The following ARHGEF10 variants were observed in gnomAD, a reference collection of about 807,000 sequenced individuals.
The protein encoded by ARHGEF10 is Rho guanine nucleotide exchange factor 10, also known as Rho guanine nucleotide exchange factor (GEF) 10.
Under a neutral mutation model 147.4 loss-of-function variants are expected in ARHGEF10, and 140 were observed. The observed-to-expected ratio is 0.95, with a 90% confidence interval of 0.83 to 1.09. The LOEUF is 1.09. Ranked by LOEUF, ARHGEF10 falls within the 50% of genes least tolerant of loss-of-function variation. ARHGEF10 has a pLI of 0.00. For synonymous variants in ARHGEF10, 902 were observed against 695.8 expected (o/e 1.30, Z -4.67); for missense variants, 2,222 against 1,752.7 (o/e 1.27, Z -4.78).
chr8:1,920,222 A>G (rs947785817), intron 18 of ARHGEF10, among the ~76,000 whole-genome samples: 1 of 152,246 alleles, frequency 6.6e-6, no homozygotes, highest in African/African-American at 2.4e-5. Flanking sequence ...CACACCAAAA[A>G]TAGAAGGGTC....
chr8:1,850,715 A>C (rs1006683493), intron 2 of ARHGEF10, among the ~76,000 whole-genome samples: 1 of 152,188 alleles, frequency 6.6e-6, no homozygotes, highest in Non-Finnish European at 1.5e-5. Context: ...AAATGAGTTG[A>C]AAACTTAATG....
chr8:1,885,579 G>A lies in ARHGEF10; in HGVS notation c.1076-22G>A, dbSNP rs1265260333. 3 of 1,505,376 alleles carry A rather than the reference G, an allele frequency of 2.0e-6. No homozygotes were observed. In the South Asian group the frequency reaches 3.4e-5, roughly 17 times the overall value. 93.3% of individuals were successfully genotyped at this position (1,505,376 alleles called of 1,614,324 possible). On this transcript the variant is annotated intron_variant, in intron 10 of 28. Transcript: ENST00000349830. Reference sequence around the variant, plus strand: ...TATATTATTTGAATGTAAAATTCATGCATTTTGACTTTTTTTTTAAGATCA... The same window carrying A: ...TATATTATTTGAATGTAAAATTCATACATTTTGACTTTTTTTTTAAGATCA...
chr8:1,911,073 G>T (rs186278435), intron 18 of ARHGEF10, among the ~76,000 whole-genome samples: 80 of 152,312 alleles, frequency 5.3e-4, no homozygotes, highest in African/African-American at 1.8e-3. Context: ...TTGCACCCTG[G>T]ATTTAACTAT....
At chr8:1,881,357 G>A (rs1278987984) in intron 9 of ARHGEF10, among the ~76,000 whole-genome samples, 2 of 152,174 alleles carry the variant, frequency 1.3e-5, no homozygotes, top group African/African-American at 2.4e-5. Flanking sequence ...GACCCTGAAC[G>A]GCGCTGGCTG....
At chr8:1,905,437 G>A in intron 16 of ARHGEF10, 134 bp from the exon 17 acceptor site, 8 of 1,119,090 alleles carry the variant, frequency 7.1e-6, no homozygotes, top group South Asian at 1.2e-5. Context: ...CAGTCACGGG[G>A]AACATAGGAA....
intron 1 of ARHGEF10, among the ~76,000 whole-genome samples, chr8:1,827,582 A>G (rs1007447336): frequency 1.3e-5 from 2 of 152,368 alleles, no homozygotes; most frequent in Non-Finnish European, 2.9e-5. Flanking sequence ...CTGGGATTAC[A>G]GGCGTGAGCC....
chr8:1,824,158 G>A (rs1376867069), intron 1 of ARHGEF10, 45 bp downstream of exon 1: 1 of 152,164 alleles, frequency 6.6e-6, no homozygotes, highest in African/African-American at 2.4e-5. Context: ...GCGGGCTTCT[G>A]GTTTCCTTTG....
At chr8:1,918,942 A>G (rs1187910824) in intron 18 of ARHGEF10, among the ~76,000 whole-genome samples, 16 of 148,194 alleles carry the variant, frequency 1.1e-4, no homozygotes, top group African/African-American at 3.8e-4. Flanking sequence ...TTGTTCTGTC[A>G]GTGATGGAGC....
intron 4 of ARHGEF10, among the ~76,000 whole-genome samples, chr8:1,863,821 T>G (rs2294029): frequency 1.3e-5 from 2 of 151,610 alleles, no homozygotes; most frequent in Admixed American, 1.3e-4. Context: ...GGAGGAATCG[T>G]CAGGCGGGTC....
chr8:1,909,243 A>G (rs1811161571), intron 17 of ARHGEF10, 52 bp from the exon 18 acceptor site: 3 of 1,609,238 alleles, frequency 1.9e-6, no homozygotes, highest in Admixed American at 3.3e-5. Flanking sequence ...GAACATTACC[A>G]TAACGTGTTC....
rs201716480 is a variant in ARHGEF10, at chr8:1,896,324, G to A, written c.1441-9G>A. On this transcript the variant is annotated splice_polypyrimidine_tract_variant and intron_variant, in intron 13 of 28. Transcript: ENST00000349830. ...GTGATTTCTCTCTGAATTTCCTCCT[G>A]TGTTTCAGTTTTCTAAGTCCATGGT... 1.7e-4 allele frequency: 268 copies of A among 1,595,850 alleles called. No homozygotes were observed. The highest frequency in any genetic ancestry group is 1.9e-4 in the Non-Finnish European group (219 of 1,163,624).
rs1191495371 is a variant in ARHGEF10 at position 1,858,101 on chromosome 8, C to T, written c.179C>T (p.Ala60Val). The T allele has an allele frequency of 1.2e-6, 2 of 1,613,764 alleles. No individual in the cohort carries two copies. Among genetic ancestry groups the T allele is most frequent in the African/African-American group, 1.3e-5 (1 of 74,912 alleles). ...ACAGGAGGTGCTGGAGCCAGTGAAG[C>T]CCCTGCACCCACAGGTGAGTTTCCA... ...PETGGAGASE[A>V]PAPTGGEDGA... The change falls in exon 3 of 29, where the codon GCC becomes GTC. Residue 60 changes from alanine (A) to valine (V), a missense_variant. Ala to Val is a moderately conservative substitution (Grantham distance 64). Coordinates refer to ENST00000349830, the MANE Select transcript of ARHGEF10 (RefSeq NM_014629.4).
At chr8:1,920,304 A>G (rs559019927) in intron 18 of ARHGEF10, among the ~76,000 whole-genome samples, 20 of 152,330 alleles carry the variant, frequency 1.3e-4, no homozygotes, top group Non-Finnish European at 2.1e-4. Context: ...TTAACATTGC[A>G]CTTATAATTT....
At chr8:1,872,769 G>C (rs934492951) in intron 7 of ARHGEF10, among the ~76,000 whole-genome samples, 9 of 152,154 alleles carry the variant, frequency 5.9e-5, no homozygotes, top group African/African-American at 2.2e-4. Flanking sequence ...GGAGCTCACG[G>C]CGTTCGTTAA....
At chr8:1,900,570 G>A (rs907005490) in intron 15 of ARHGEF10, among the ~76,000 whole-genome samples, 2 of 152,164 alleles carry the variant, frequency 1.3e-5, no homozygotes, top group African/African-American at 2.4e-5. Context: ...GCAGACGTGC[G>A]CTGTCGGACG....
chr8:1,835,441 G>A (rs1167199287), intron 1 of ARHGEF10, among the ~76,000 whole-genome samples: 1 of 152,046 alleles, frequency 6.6e-6, no homozygotes, highest in Admixed American at 6.6e-5. Flanking sequence ...ACAGGCTCCC[G>A]GCACAGGCTT....
rs1350000096 is a variant in ARHGEF10, at chr8:1,851,346, T to G, written c.38-6614T>G. On this transcript the variant is annotated intron_variant, in intron 2 of 28. Transcript: ENST00000349830. ...CAGGAGCGAGGCCTCACGCACACCG[T>G]GGGCTTTAGTTAGTGACATACCTCA... Among the ~76,000 whole-genome samples the G allele has an allele frequency of 2.7e-5, 4 of 149,150 alleles. No homozygotes were observed. The East Asian group carries it at 8.0e-4, about 30-fold the overall frequency.
chr8:1,923,824 C>T lies in ARHGEF10; in HGVS notation c.2438C>T (p.Ala813Val), dbSNP rs768599250. Residue 813 changes from alanine (A) to valine (V), a missense_variant, in exon 21 of 29, where the codon GCC (alanine) becomes GTC (valine). Coordinates refer to ENST00000349830, the MANE Select transcript of ARHGEF10 (RefSeq NM_014629.4). ...GCTGTGTTCAATACGTTCACCCCTG[C>T]CATCAAGGAGTCCTGGGTCAACAGC... ...FTAVFNTFTP[A>V]IKESWVNSLQ... is the part of the protein sequence containing the mutation. The T allele has an allele frequency of 6.2e-7, 1 of 1,614,146 alleles. No homozygotes were observed. The highest frequency in any genetic ancestry group is 1.7e-5 in the Admixed American group (1 of 60,020).
chr8:1,945,876 G>GAGCCGCGTGCTGGGAGA (rs1814541680), intron 27 of ARHGEF10: 5 of 773,308 alleles, frequency 6.5e-6, no homozygotes, highest in Non-Finnish European at 1.1e-5. Context: ...GGTCCTGAAG[G>GAGCCGCGTGCTGGGAGA]AGCCGCGTGC....
Sources: allele counts gnomAD v4.1 joint callset (sites outside exome capture counted in the v4.1 genomes callset), GRCh38; gene constraint gnomAD v4.1.1; transcripts MANE v1.5; gene names NCBI Gene and HGNC (gene_info 2026-07-23, HGNC 2026-07-21).